NXPH1: variants seen among roughly 807,000 people sequenced by gnomAD.
NXPH1 encodes the protein neurexophilin-1.
In NXPH1, 5 loss-of-function variants were observed where a neutral mutation model predicts 23.7. The ratio of observed to expected loss-of-function variants is 0.21; its 90% CI spans 0.11 to 0.44. The LOEUF is 0.44. Among genes scored for constraint, NXPH1 ranks in the 20% least tolerant of loss-of-function variants. The pLI is 0.99. For synonymous variants in NXPH1, 144 were observed against 122.2 expected (o/e 1.18, Z -1.18); for missense variants, 324 against 321.6 (o/e 1.01, Z -0.06).
At chr7:8,539,195 C>G (rs1818073174) in intron 2 of NXPH1, among the ~76,000 whole-genome samples, 1 of 151,720 alleles carries the variant, frequency 6.6e-6, no homozygotes, top group Non-Finnish European at 1.5e-5. Context: ...AGAAAAGCAC[C>G]ACTATCAGCT....
At chr7:8,632,877 T>C (rs1046290123) in intron 2 of NXPH1, among the ~76,000 whole-genome samples, 1 of 152,212 alleles carries the variant, frequency 6.6e-6, no homozygotes. Flanking sequence ...AATAATCAAG[T>C]ACCTAGTGAA....
chr7:8,517,547 G>C lies in NXPH1; in HGVS notation c.54+81780G>C, dbSNP rs191701762. Among the ~76,000 whole-genome samples, 3 of 152,278 alleles carry C rather than the reference G, an allele frequency of 2.0e-5. No homozygotes were observed. The East Asian group carries it at 5.8e-4, about 29-fold the overall frequency. On this transcript the variant is annotated intron_variant, in intron 2 of 2. Coordinates refer to ENST00000405863, the MANE Select transcript of NXPH1 (RefSeq NM_152745.3). ...TCCTTGCACATCAGTGTTTGGTTATGTTGCTTAAGATCTGACTCTGAGTTT... is the reference window on the plus strand; with the variant it reads ...TCCTTGCACATCAGTGTTTGGTTATCTTGCTTAAGATCTGACTCTGAGTTT...
intron 2 of NXPH1, among the ~76,000 whole-genome samples, chr7:8,738,496 C>A (rs1039504062): frequency 2.0e-5 from 3 of 152,178 alleles, no homozygotes; most frequent in African/African-American, 7.2e-5. Context: ...CCTCTGGAAG[C>A]TTTGTCCCAG....
intron 2 of NXPH1, among the ~76,000 whole-genome samples, chr7:8,582,839 C>A (rs1459414126): frequency 6.6e-6 from 1 of 152,174 alleles, no homozygotes; most frequent in Non-Finnish European, 1.5e-5. Context: ...TCACTAGGGA[C>A]CCACCCCTTT....
intron 2 of NXPH1, among the ~76,000 whole-genome samples, chr7:8,666,571 A>G (rs1413379207): frequency 2.0e-5 from 3 of 152,044 alleles, no homozygotes; most frequent in Admixed American, 6.6e-5. Context: ...AAGTATTCCA[A>G]TTTCTTTAAT....
In NXPH1 at chr7:8,711,819, C is replaced by T. The variant is rs577343212; in HGVS notation, c.55-39189C>T. On this transcript the variant is annotated intron_variant, in intron 2 of 2. Transcript: ENST00000405863. The stretch of plus-strand genomic sequence containing the variant: ...CTGAGGAACTGAATGCCAGGGTAAG[C>T]GATATTCTAAAGAGATTATAAAGCC... Among the ~76,000 whole-genome samples the T allele has an allele frequency of 7.9e-5, 12 of 151,956 alleles. No homozygotes were observed. The South Asian group carries it at 8.3e-4, about 11-fold the overall frequency.
chr7:8,623,526 T>C (rs543796095), intron 2 of NXPH1, among the ~76,000 whole-genome samples: 1 of 151,992 alleles, frequency 6.6e-6, no homozygotes, highest in Non-Finnish European at 1.5e-5. Context: ...AAACACAACT[T>C]GTAAACTGTG....
At chr7:8,604,666 A>T (rs933731694) in intron 2 of NXPH1, among the ~76,000 whole-genome samples, 1 of 152,110 alleles carries the variant, frequency 6.6e-6, no homozygotes, top group Non-Finnish European at 1.5e-5. Flanking sequence ...TATATGCCTT[A>T]TTTGTGATTT....
At chr7:8,698,638 ATC>A (rs1471978537) in intron 2 of NXPH1, among the ~76,000 whole-genome samples, 2 of 152,178 alleles carry the variant, frequency 1.3e-5, no homozygotes, top group Non-Finnish European at 2.9e-5. Context: ...AGGTTACAGT[ATC>A]TATGAATTTT....
At chr7:8,475,183 A>G in intron 2 of NXPH1, among the ~76,000 whole-genome samples, 1 of 152,202 alleles carries the variant, frequency 6.6e-6, no homozygotes, top group Middle Eastern at 3.4e-3. Context: ...TCAGTTGTTT[A>G]ACTCTTGTGT....
chr7:8,449,065 A>G (rs985106072), intron 2 of NXPH1, among the ~76,000 whole-genome samples: 4 of 152,252 alleles, frequency 2.6e-5, no homozygotes, highest in Non-Finnish European at 5.9e-5. Flanking sequence ...TAAAATTTGC[A>G]CACAGTATAA....
At chr7:8,445,605 CA>C (rs772357456) in intron 2 of NXPH1, among the ~76,000 whole-genome samples, 33 of 152,180 alleles carry the variant, frequency 2.2e-4, no homozygotes, top group Non-Finnish European at 4.4e-4. Context: ...GTTATTGGCA[CA>C]AAAATTACGA....
intron 2 of NXPH1, among the ~76,000 whole-genome samples, chr7:8,529,512 T>C (rs1052004751): frequency 6.6e-6 from 1 of 152,198 alleles, no homozygotes; most frequent in Non-Finnish European, 1.5e-5. Context: ...CTATTGTTCA[T>C]GCTGGCAAGA....
At chr7:8,674,626 G>A (rs537917084) in intron 2 of NXPH1, among the ~76,000 whole-genome samples, 1 of 152,226 alleles carries the variant, frequency 6.6e-6, no homozygotes, top group South Asian at 2.1e-4. Context: ...AAAAGTAGAA[G>A]GCCAGAGATA....
At position 8,435,823 on chromosome 7, in the gene NXPH1, A is replaced by C. The variant is rs1816184156; in HGVS notation, c.54+56A>C. On this transcript the variant is annotated intron_variant, in intron 2 of 2. Coordinates refer to ENST00000405863, the MANE Select transcript of NXPH1 (RefSeq NM_152745.3). The surrounding 1 kb of genome is among the most constrained non-coding windows in gnomAD (Gnocchi z 5.9). ...TTTTTACCCCGGCCGGGAGGCAAGG[A>C]AACTGGGGACACGCGGGAGAAGGGT... 1 of 1,526,550 alleles carries C rather than the reference A, an allele frequency of 6.6e-7. No individual in the cohort carries two copies. Among genetic ancestry groups the C allele is most frequent in the Non-Finnish European group, 9.1e-7 (1 of 1,100,740 alleles). 94.6% of individuals were successfully genotyped at this position (1,526,550 alleles called of 1,614,324 possible). A position where few individuals can be genotyped will look rare whatever the true frequency, so the allele number is the denominator to read the frequency against.
chr7:8,730,527 G>A (rs1780133335), intron 2 of NXPH1, among the ~76,000 whole-genome samples: 1 of 151,678 alleles, frequency 6.6e-6, no homozygotes. Context: ...CTCTTTTAGG[G>A]CAGGCCTGGT....
chr7:8,751,276 C>A lies in NXPH1; in HGVS notation c.323C>A (p.Pro108His), dbSNP rs765207752. The A allele has an allele frequency of 6.2e-7, 1 of 1,613,850 alleles. No individual in the cohort carries two copies. The highest frequency in any genetic ancestry group is 8.5e-7 in the Non-Finnish European group (1 of 1,179,842). Residue 108 changes from proline (P) to histidine (H), a missense_variant, in exon 3 of 3, where the codon CCC (proline) becomes CAC (histidine). Coordinates refer to ENST00000405863, the MANE Select transcript of NXPH1 (RefSeq NM_152745.3). The surrounding 1 kb of genome is among the most constrained non-coding windows in gnomAD (Gnocchi z 4.5). ...CCTCGGCCCAGGGCCAAGAGAAGGC[C>A]CATTGTTAAAACGGGCAAGTTTAAG... ...QEPRPRAKRRPIVKTGKFKKM... is the reference protein window; with the variant it reads ...QEPRPRAKRRHIVKTGKFKKM...
intron 2 of NXPH1, among the ~76,000 whole-genome samples, chr7:8,629,148 C>A (rs1051395876): frequency 6.6e-6 from 1 of 151,992 alleles, no homozygotes; most frequent in African/African-American, 2.4e-5. Flanking sequence ...TATTTACCCC[C>A]ATTGTTATAA....
intron 2 of NXPH1, among the ~76,000 whole-genome samples, chr7:8,573,741 T>G (rs947323333): frequency 7.9e-5 from 12 of 152,174 alleles, no homozygotes; most frequent in Non-Finnish European, 1.8e-4. Flanking sequence ...GGTTATTAAA[T>G]GTCTCTGAAC....
Sources: gnomAD v4.1 joint callset for allele counts (sites outside exome capture counted in the v4.1 genomes callset) on GRCh38, gnomAD v4.1.1 for gene constraint, Gnocchi (gnomAD v3.1) non-coding constraint, MANE v1.5 for transcripts, NCBI Gene and HGNC (gene_info 2026-07-23, HGNC 2026-07-21) for gene names.